The following ROBO1 variants were observed in gnomAD, a reference collection of about 807,000 sequenced individuals.
ROBO1 encodes roundabout homolog 1.
In ROBO1, 149 loss-of-function variants were observed where a neutral mutation model predicts 195.9. That is an observed-to-expected ratio of 0.76 (90% CI 0.67 to 0.87). The LOEUF (loss-of-function observed/expected upper bound fraction) is 0.87, where lower values mean the gene tolerates loss of function less well. Ranked by LOEUF, ROBO1 falls within the 40% of genes least tolerant of loss-of-function variation. ROBO1 has a pLI of 0.00. For missense variants in ROBO1, 1,933 were observed against 2,068.3 expected (o/e 0.93, Z 1.27); for synonymous variants, 816 against 733.2 (o/e 1.11, Z -1.82).
At chr3:79,301,693 A>G (rs992026367) in intron 2 of ROBO1, among the ~76,000 whole-genome samples, 1 of 152,220 alleles carries the variant, frequency 6.6e-6, no homozygotes, top group Non-Finnish European at 1.5e-5. Flanking sequence ...AAGGAAATAT[A>G]TAGTAAATAC....
At chr3:79,472,998 C>T (rs1296197644) in intron 2 of ROBO1, among the ~76,000 whole-genome samples, 2 of 152,052 alleles carry the variant, frequency 1.3e-5, no homozygotes, top group Non-Finnish European at 2.9e-5. Context: ...GTGTTCAAGG[C>T]ATAAGTGGAA....
At chr3:79,201,256 C>T (rs2081758489) in intron 2 of ROBO1, among the ~76,000 whole-genome samples, 1 of 151,942 alleles carries the variant, frequency 6.6e-6, no homozygotes, top group South Asian at 2.1e-4. Context: ...CCATAGTTCT[C>T]ATAATAAAAC....
chr3:78,898,856 A>G (rs1363393218), intron 4 of ROBO1, among the ~76,000 whole-genome samples: 1 of 152,156 alleles, frequency 6.6e-6, no homozygotes, highest in Non-Finnish European at 1.5e-5. Context: ...TTCTTATAAC[A>G]TGTCATGTCT....
chr3:79,273,586 A>C (rs889316587), intron 2 of ROBO1, among the ~76,000 whole-genome samples: 3 of 152,042 alleles, frequency 2.0e-5, no homozygotes. Flanking sequence ...AAAGGAAGAC[A>C]GAAAGGAATG....
chr3:79,570,594 T>A (rs1943246909), intron 2 of ROBO1, among the ~76,000 whole-genome samples: 1 of 152,098 alleles, frequency 6.6e-6, no homozygotes, highest in Non-Finnish European at 1.5e-5. Flanking sequence ...TATTATAAAT[T>A]GTAAAAATGT....
intron 1 of ROBO1, among the ~76,000 whole-genome samples, chr3:79,741,331 C>T (rs1169610184): frequency 6.6e-6 from 1 of 152,138 alleles, no homozygotes; most frequent in East Asian, 1.9e-4. Context: ...TGTGTTTCTC[C>T]TGGTTCTTCT....
intron 2 of ROBO1, among the ~76,000 whole-genome samples, chr3:79,585,307 A>T (rs1051818714): frequency 2.0e-5 from 3 of 152,016 alleles, no homozygotes; most frequent in Non-Finnish European, 2.9e-5. Flanking sequence ...GACAAAATTT[A>T]GGGGGAATTG....
rs761495234 is a variant in ROBO1, at chr3:79,317,524, G to GA, written c.89-191986dup. ...GTCCCAACTGTCTACAGGATAAAAT[G>GA]AAAAAAAATATTTTTTATTTATTTG... is the stretch of plus-strand genomic sequence containing the variant. On this transcript the variant is annotated intron_variant, in intron 2 of 30. Coordinates refer to ENST00000464233, the MANE Select transcript of ROBO1 (RefSeq NM_002941.4). Among the ~76,000 whole-genome samples the GA allele has an allele frequency of 2.6e-5, 4 of 151,684 alleles. No individual in the cohort carries two copies. In the East Asian group the frequency reaches 7.7e-4, roughly 29 times the overall value.
At chr3:79,511,201 AAAAAC>A (rs1451984694) in intron 2 of ROBO1, among the ~76,000 whole-genome samples, 1 of 152,192 alleles carries the variant, frequency 6.6e-6, no homozygotes, top group African/African-American at 2.4e-5. Context: ...ATGGGCTCAC[AAAAAC>A]TTAAGTTAGA....
intron 2 of ROBO1, among the ~76,000 whole-genome samples, chr3:79,326,684 C>T (rs2034227374): frequency 6.6e-6 from 1 of 151,904 alleles, no homozygotes; most frequent in South Asian, 2.1e-4. Context: ...ACATTGTGGC[C>T]TCTCTGTCGG....
intron 26 of ROBO1, among the ~76,000 whole-genome samples, chr3:78,620,180 C>T (rs1704370357): frequency 2.0e-5 from 3 of 152,034 alleles, no homozygotes; most frequent in African/African-American, 4.8e-5. Context: ...GGAAAAATAA[C>T]TTTGATATGG....
intron 3 of ROBO1, among the ~76,000 whole-genome samples, chr3:79,066,586 T>G (rs565314447): frequency 7.9e-5 from 12 of 151,996 alleles, no homozygotes; most frequent in Non-Finnish European, 1.3e-4. Context: ...TTTTTAGATA[T>G]TTAAAAAAAT....
At chr3:78,740,332 T>C (rs567917053) in intron 5 of ROBO1, among the ~76,000 whole-genome samples, 1 of 150,924 alleles carries the variant, frequency 6.6e-6, no homozygotes, top group East Asian at 1.9e-4. Flanking sequence ...CTATTGTTAT[T>C]ATTCTCTCTA....
chr3:78,950,821 A>G (rs1350584256), intron 3 of ROBO1, among the ~76,000 whole-genome samples: 1 of 151,978 alleles, frequency 6.6e-6, no homozygotes, highest in Non-Finnish European at 1.5e-5. Flanking sequence ...TGATGAATAA[A>G]TGGAGATATA....
At chr3:79,080,676 A>G (rs1475793883) in intron 3 of ROBO1, among the ~76,000 whole-genome samples, 3 of 152,090 alleles carry the variant, frequency 2.0e-5, no homozygotes, top group Non-Finnish European at 4.4e-5. Context: ...ATGAGTAAGT[A>G]ATATGTAAAT....
At chr3:78,786,068 A>C (rs2108503636) in intron 4 of ROBO1, among the ~76,000 whole-genome samples, 1 of 151,984 alleles carries the variant, frequency 6.6e-6, no homozygotes, top group South Asian at 2.1e-4. Context: ...TGAAAAACAT[A>C]AAATTAGTAA....
At chr3:78,813,657 T>C (rs573867344) in intron 4 of ROBO1, among the ~76,000 whole-genome samples, 2 of 152,196 alleles carry the variant, frequency 1.3e-5, no homozygotes, top group Admixed American at 1.3e-4. Flanking sequence ...GCTTACATAG[T>C]TGGTGGATCA....
chr3:79,255,612 T>C (rs2082819666), intron 2 of ROBO1, among the ~76,000 whole-genome samples: 1 of 152,184 alleles, frequency 6.6e-6, no homozygotes, highest in Admixed American at 6.5e-5. Flanking sequence ...GTCACTGTGT[T>C]TTCTCACTTG....
intron 2 of ROBO1, among the ~76,000 whole-genome samples, chr3:79,166,075 C>T (rs530455711): frequency 1.3e-4 from 20 of 152,266 alleles, no homozygotes; most frequent in South Asian, 8.3e-4. Context: ...CCAACAATAG[C>T]GCAAACCAAC....
Sources: allele counts gnomAD v4.1 joint callset (sites outside exome capture counted in the v4.1 genomes callset), GRCh38; gene constraint gnomAD v4.1.1; transcripts MANE v1.5; gene names NCBI Gene and HGNC (gene_info 2026-07-23, HGNC 2026-07-21).